Variants in ADGRB3 observed in about 807,000 individuals in gnomAD.
ADGRB3 encodes adhesion G protein-coupled receptor B3.
Under a neutral mutation model 193.4 loss-of-function variants are expected in ADGRB3, and 37 were observed. That is an observed-to-expected ratio of 0.19 (90% CI 0.15 to 0.25). ADGRB3 has a LOEUF of 0.25. Among genes scored for constraint, ADGRB3 ranks in the 10% least tolerant of loss-of-function variants. The pLI, the probability that ADGRB3 is intolerant of heterozygous loss-of-function variation, is 1.00. For synonymous variants in ADGRB3, 690 were observed against 644.2 expected, an observed-to-expected ratio of 1.07 and a Z score of -1.08; for missense variants, 1,637 against 1,852.9, an observed-to-expected ratio of 0.88 and a Z score of 2.14.
chr6:69,181,587 G>A (rs560159951), intron 17 of ADGRB3, among the ~76,000 whole-genome samples: 1 of 151,960 alleles, frequency 6.6e-6, no homozygotes, highest in African/African-American at 2.4e-5. Flanking sequence ...TTTTTAAATG[G>A]TTTTTGCTTC....
At chr6:68,706,061 C>T (rs1765321431) in intron 3 of ADGRB3, among the ~76,000 whole-genome samples, 1 of 151,996 alleles carries the variant, frequency 6.6e-6, no homozygotes, top group Admixed American at 6.6e-5. Context: ...AGGGTTTTTG[C>T]TAAAATTAGA....
chr6:69,217,544 T>C (rs1463912521), intron 17 of ADGRB3, among the ~76,000 whole-genome samples: 1 of 152,164 alleles, frequency 6.6e-6, no homozygotes, highest in Non-Finnish European at 1.5e-5. Flanking sequence ...CTGCGTGATA[T>C]AGCAAGAATG....
chr6:69,289,861 T>C (rs993364942), intron 20 of ADGRB3, among the ~76,000 whole-genome samples: 1 of 151,452 alleles, frequency 6.6e-6, no homozygotes, highest in Admixed American at 6.6e-5. Context: ...TATCACAGAA[T>C]TGGCACACTG....
chr6:68,917,773 C>A (rs554727526), intron 3 of ADGRB3, among the ~76,000 whole-genome samples: 1 of 152,240 alleles, frequency 6.6e-6, no homozygotes, highest in African/African-American at 2.4e-5. Flanking sequence ...ACACATTTTA[C>A]TTTATCAATA....
chr6:68,659,688 T>C (rs1768578915), intron 3 of ADGRB3, among the ~76,000 whole-genome samples: 2 of 151,086 alleles, frequency 1.3e-5, no homozygotes, highest in African/African-American at 4.8e-5. Context: ...ATGCGAATTA[T>C]GTGAAAGGAC....
At chr6:69,218,601 C>T (rs899753914) in intron 17 of ADGRB3, among the ~76,000 whole-genome samples, 6 of 152,144 alleles carry the variant, frequency 3.9e-5, no homozygotes, top group African/African-American at 1.4e-4. Context: ...ACCCAGCAGA[C>T]TGAAAAAGTA....
intron 10 of ADGRB3, among the ~76,000 whole-genome samples, chr6:68,985,151 G>A (rs534811241): frequency 6.6e-6 from 1 of 152,128 alleles, no homozygotes; most frequent in African/African-American, 2.4e-5. Context: ...TGAGCTACTT[G>A]TATGCAGGTG....
intron 20 of ADGRB3, among the ~76,000 whole-genome samples, chr6:69,267,436 G>A (rs1379327552): frequency 6.6e-6 from 1 of 152,104 alleles, no homozygotes; most frequent in African/African-American, 2.4e-5. Flanking sequence ...GTGTTCCATA[G>A]TCTTCTCCCA....
chr6:68,829,091 C>CTTTTTTT (rs70987436), intron 3 of ADGRB3, among the ~76,000 whole-genome samples: 1 of 94,656 alleles, frequency 1.1e-5, no homozygotes, highest in Admixed American at 1.3e-4. Flanking sequence ...GTTTAAGTAA[C>CTTTTTTT]TTTTTTTTTT....
chr6:69,014,050 A>G lies in ADGRB3; in HGVS notation c.1942A>G (p.Ile648Val), dbSNP rs371473626. 2.4e-5 allele frequency: 38 copies of G among 1,590,534 alleles called. No homozygotes were observed. The Admixed American group carries it at 2.6e-4, about 11-fold the overall frequency. Residue 648 changes from isoleucine (I) to valine (V), a missense_variant, in exon 12 of 32, where the codon ATA becomes GTA. Around this residue, in one of 7 missense-constraint regions of ADGRB3, gnomAD observed 641 missense variants for 673.9 expected, o/e 0.95. Coordinates refer to ENST00000370598, the MANE Select transcript of ADGRB3 (RefSeq NM_001704.3). ...ASDGVQNFFQIVSNLLDEENK... is the reference protein window; with the variant it reads ...ASDGVQNFFQVVSNLLDEENK... ...ATTTAATTTACAGAACTTCTTTCAA[A>G]TAGTTAGCAACCTTCTAGATGAAGA...
At chr6:69,093,547 C>T (rs980197049) in intron 17 of ADGRB3, among the ~76,000 whole-genome samples, 3 of 150,846 alleles carry the variant, frequency 2.0e-5, no homozygotes, top group Admixed American at 1.3e-4. Flanking sequence ...GGTTGGGCAG[C>T]TTAGGTTCAG....
At chr6:68,877,085 T>C (rs564836815) in intron 3 of ADGRB3, among the ~76,000 whole-genome samples, 39 of 152,222 alleles carry the variant, frequency 2.6e-4, no homozygotes, top group African/African-American at 8.9e-4. Flanking sequence ...CACATATCTC[T>C]TGACTTTTTT....
At chr6:69,308,804 C>T (rs1254442235) in intron 20 of ADGRB3, among the ~76,000 whole-genome samples, 2 of 151,620 alleles carry the variant, frequency 1.3e-5, no homozygotes, top group Non-Finnish European at 3.0e-5. Flanking sequence ...GCTGCTCCTG[C>T]TCCAGCCATC....
At chr6:68,853,178 G>T (rs989905787) in intron 3 of ADGRB3, among the ~76,000 whole-genome samples, 10 of 151,954 alleles carry the variant, frequency 6.6e-5, no homozygotes, top group Admixed American at 1.3e-4. Flanking sequence ...AATCTTTTAT[G>T]CAATCATGAC....
intron 11 of ADGRB3, among the ~76,000 whole-genome samples, chr6:69,010,717 C>G (rs965034601): frequency 6.7e-6 from 1 of 149,318 alleles, no homozygotes; most frequent in African/African-American, 2.5e-5. Context: ...AGTTCAGATT[C>G]TGCCAAGGAC....
At chr6:69,234,558 T>C (rs1479646039) in intron 18 of ADGRB3, among the ~76,000 whole-genome samples, 1 of 152,166 alleles carries the variant, frequency 6.6e-6, no homozygotes, top group Admixed American at 6.5e-5. Context: ...TCAGAAAGTT[T>C]GAAAAATCTT....
chr6:68,910,249 G>A (rs1477270149), intron 3 of ADGRB3, among the ~76,000 whole-genome samples: 6 of 152,074 alleles, frequency 3.9e-5, no homozygotes, highest in Admixed American at 3.3e-4. Context: ...TTGTCGATGG[G>A]GTTGTTTGTT....
chr6:68,841,781 G>A (rs1469827702), intron 3 of ADGRB3, among the ~76,000 whole-genome samples: 1 of 152,048 alleles, frequency 6.6e-6, no homozygotes, highest in Non-Finnish European at 1.5e-5. Flanking sequence ...GACTTCACAT[G>A]TTCTCACTTA....
chr6:68,767,752 T>C (rs534023001), intron 3 of ADGRB3, among the ~76,000 whole-genome samples: 1 of 152,230 alleles, frequency 6.6e-6, no homozygotes, highest in South Asian at 2.1e-4. Flanking sequence ...AGTCAAATTG[T>C]CTCTGTTTGC....
Sources: allele counts gnomAD v4.1 joint callset (sites outside exome capture counted in the v4.1 genomes callset), GRCh38; gene constraint gnomAD v4.1.1; regional missense constraint gnomAD v4.1.1; transcripts MANE v1.5; gene names NCBI Gene and HGNC (gene_info 2026-07-23, HGNC 2026-07-21).